The following EPB41L5 variants were observed in gnomAD, a reference collection of about 807,000 sequenced individuals.
EPB41L5 encodes erythrocyte membrane protein band 4.1 like 5, also known as band 4.1-like protein 5.
In EPB41L5, 55 loss-of-function variants were observed where a neutral mutation model predicts 106.6. That is an observed-to-expected ratio of 0.52 (90% confidence interval 0.42 to 0.65). EPB41L5 has a LOEUF of 0.65. Among genes scored for constraint, EPB41L5 ranks in the 30% least tolerant of loss-of-function variants. The pLI is 0.00. For synonymous variants in EPB41L5, 297 were observed against 306.7 expected (o/e 0.97, Z 0.33); for missense variants, 871 against 882.1 (o/e 0.99, Z 0.16).
At chr2:120,138,574 C>T (rs1205093502) in intron 18 of EPB41L5, among the ~76,000 whole-genome samples, 1 of 151,890 alleles carries the variant, frequency 6.6e-6, no homozygotes. Context: ...GGAAAGTAAT[C>T]CCATTTACAA....
intron 1 of EPB41L5, 123 bp downstream of exon 1, chr2:120,013,333 C>A (rs1677264370): frequency 1.3e-5 from 2 of 152,284 alleles, no homozygotes; most frequent in Non-Finnish European, 2.9e-5. Context: ...GGGGGCCGCA[C>A]CCAGACCCTA....
At chr2:120,169,896 A>C (rs1558919875) in intron 24 of EPB41L5, among the ~76,000 whole-genome samples, 2 of 152,214 alleles carry the variant, frequency 1.3e-5, no homozygotes, top group South Asian at 4.1e-4. Context: ...AAAATGAAAG[A>C]CACATAGTAC....
At chr2:120,099,869 G>A (rs1684026843) in intron 14 of EPB41L5, among the ~76,000 whole-genome samples, 1 of 152,180 alleles carries the variant, frequency 6.6e-6, no homozygotes, top group Non-Finnish European at 1.5e-5. Context: ...AAAATCTTGA[G>A]GGTAGGAATA....
At chr2:120,089,143 A>G (rs995186559) in intron 11 of EPB41L5, among the ~76,000 whole-genome samples, 2 of 152,172 alleles carry the variant, frequency 1.3e-5, no homozygotes, top group African/African-American at 2.4e-5. Context: ...TAGCGTATCC[A>G]TCTTTACTGT....
At chr2:120,014,404 C>T (rs1285472743) in intron 1 of EPB41L5, among the ~76,000 whole-genome samples, 2 of 152,146 alleles carry the variant, frequency 1.3e-5, no homozygotes, top group Non-Finnish European at 2.9e-5. Flanking sequence ...AGGCGAGATG[C>T]GGGTTAAGCC....
At position 120,038,912 on chromosome 2, in the gene EPB41L5, G is replaced by A. The variant is rs924955182; in HGVS notation, c.181-3094G>A. On this transcript the variant is annotated intron_variant, in intron 2 of 24. Coordinates refer to ENST00000263713, the MANE Select transcript of EPB41L5 (RefSeq NM_020909.4). ...AGCATTATTCCAAACTGAAAAGATGGAAAAATCCCAAATGTACATCAACAC... is the reference window on the plus strand; with the variant it reads ...AGCATTATTCCAAACTGAAAAGATGAAAAAATCCCAAATGTACATCAACAC... 2.0e-5 allele frequency among the ~76,000 whole-genome samples: 3 copies of A among 152,252 alleles called. No individual in the cohort carries two copies. The East Asian group carries it at 5.8e-4, about 29-fold the overall frequency.
At chr2:120,017,660 A>T (rs1046586625) in intron 1 of EPB41L5, among the ~76,000 whole-genome samples, 4 of 152,216 alleles carry the variant, frequency 2.6e-5, no homozygotes, top group Admixed American at 1.3e-4. Context: ...AAAAAGATTT[A>T]TGTTAAGTAG....
chr2:120,092,677 G>T (rs1683495713), intron 13 of EPB41L5, among the ~76,000 whole-genome samples: 1 of 152,088 alleles, frequency 6.6e-6, no homozygotes, highest in Non-Finnish European at 1.5e-5. Flanking sequence ...TTATAAAAAT[G>T]ATTTATACTC....
At chr2:120,090,066 G>A (rs67829508) in intron 11 of EPB41L5, among the ~76,000 whole-genome samples, 25,555 of 151,606 alleles carry the variant, frequency 0.17, 2,228 homozygotes, top group Middle Eastern at 0.22. Context: ...TAATTATACA[G>A]TTATCCCAAA....
intron 16 of EPB41L5, among the ~76,000 whole-genome samples, chr2:120,111,722 T>C (rs1212219853): frequency 6.6e-6 from 1 of 152,132 alleles, no homozygotes; most frequent in Non-Finnish European, 1.5e-5. Flanking sequence ...TTGCCCTTGC[T>C]CCTCTACTGT....
At chr2:120,084,023 C>T (rs1682881864) in intron 10 of EPB41L5, among the ~76,000 whole-genome samples, 1 of 152,280 alleles carries the variant, frequency 6.6e-6, no homozygotes, top group African/African-American at 2.4e-5. Context: ...CTCCTGAATA[C>T]AGCACACTGG....
At chr2:120,115,806 C>CGTTACGTTAT (rs1684924280) in intron 16 of EPB41L5, among the ~76,000 whole-genome samples, 2 of 151,896 alleles carry the variant, frequency 1.3e-5, no homozygotes, top group Non-Finnish European at 2.9e-5. Context: ...TGTTACGTTA[C>CGTTACGTTAT]GTTACGTTAT....
chr2:120,164,937 G>A, intron 22 of EPB41L5, 27 bp downstream of exon 22: 1 of 1,510,400 alleles, frequency 6.6e-7, no homozygotes, highest in Non-Finnish European at 9.0e-7. Flanking sequence ...ATAGTATGAT[G>A]GAAAGAAATT....
chr2:120,131,500 A>G, intron 17 of EPB41L5, 118 bp from the exon 18 acceptor site: 1 of 651,400 alleles, frequency 1.5e-6, no homozygotes, highest in Middle Eastern at 3.0e-4. Flanking sequence ...TATCTGGATT[A>G]TTACTTTTAG....
chr2:120,016,249 G>A (rs1457381685), intron 1 of EPB41L5, among the ~76,000 whole-genome samples: 1 of 152,124 alleles, frequency 6.6e-6, no homozygotes, highest in Non-Finnish European at 1.5e-5. Flanking sequence ...GGCCAACATG[G>A]TGAAACCCAG....
rs189770247 is a variant in EPB41L5, at chr2:120,030,647, G to A, written c.181-11359G>A. ...TGGCTCACTACAACTCCCGCCTCCC[G>A]GGTTCAAGTGATTCTCCTGCCTCAG... On this transcript the variant is annotated intron_variant, in intron 2 of 24. Transcript: ENST00000263713. Among the ~76,000 whole-genome samples the A allele has an allele frequency of 8.7e-4, 132 of 152,180 alleles. 3 individuals are homozygous for A. In the East Asian group the frequency reaches 0.018, roughly 21 times the overall value.
chr2:120,135,250 TATAGTC>T (rs1558898813), intron 18 of EPB41L5, among the ~76,000 whole-genome samples: 3 of 151,826 alleles, frequency 2.0e-5, no homozygotes, highest in Non-Finnish European at 4.4e-5. Flanking sequence ...TGTTTGAAAA[TATAGTC>T]AGAGGAGACA....
chr2:120,060,605 A>C (rs1680969142), intron 3 of EPB41L5, among the ~76,000 whole-genome samples: 1 of 152,194 alleles, frequency 6.6e-6, no homozygotes, highest in South Asian at 2.1e-4. Flanking sequence ...GCTAAGGGTT[A>C]GGGATATTGG....
intron 2 of EPB41L5, among the ~76,000 whole-genome samples, chr2:120,027,261 C>T (rs1574479817): frequency 6.6e-6 from 1 of 152,080 alleles, no homozygotes; most frequent in Non-Finnish European, 1.5e-5. Flanking sequence ...CAGCATTATT[C>T]ATAATAGTTA....
Sources: gnomAD v4.1 joint callset for allele counts (sites outside exome capture counted in the v4.1 genomes callset) on GRCh38, gnomAD v4.1.1 for gene constraint, MANE v1.5 for transcripts, NCBI Gene and HGNC (gene_info 2026-07-23, HGNC 2026-07-21) for gene names.